The following PTPRQ variants were observed in gnomAD, a reference collection of about 807,000 sequenced individuals.
PTPRQ encodes protein tyrosine phosphatase receptor type Q, also known as phosphatidylinositol phosphatase PTPRQ.
A neutral mutation model predicts 246.0 loss-of-function variants in PTPRQ; 199 were observed. The observed-to-expected ratio is 0.81, with a 90% CI of 0.72 to 0.91. The LOEUF is 0.91. Ranked by LOEUF, PTPRQ falls within the 40% of genes least tolerant of loss-of-function variation. The pLI is 0.00. For missense variants in PTPRQ, 2,624 were observed against 2,528.4 expected (o/e 1.04, Z -0.81); for synonymous variants, 869 against 853.2 (o/e 1.02, Z -0.32).
chr12:80,595,202 C>T (rs1285533820), intron 26 of PTPRQ, among the ~76,000 whole-genome samples: 3 of 152,094 alleles, frequency 2.0e-5, no homozygotes, highest in Non-Finnish European at 4.4e-5. Context: ...ATTTGTTTCT[C>T]AACAAGTGAG....
chr12:80,538,636 T>C (rs1896058501), intron 19 of PTPRQ, among the ~76,000 whole-genome samples: 1 of 152,170 alleles, frequency 6.6e-6, no homozygotes, highest in South Asian at 2.1e-4. Flanking sequence ...ACTATATTTT[T>C]CCCTGAATAC....
chr12:80,480,327 A>C (rs1002936351), intron 8 of PTPRQ, among the ~76,000 whole-genome samples: 2 of 152,216 alleles, frequency 1.3e-5, no homozygotes, highest in African/African-American at 4.8e-5. Context: ...GAAACCAACT[A>C]GAACAAAGAC....
intron 6 of PTPRQ, among the ~76,000 whole-genome samples, chr12:80,466,521 G>A (rs1260814191): frequency 6.6e-6 from 1 of 152,102 alleles, no homozygotes; most frequent in African/African-American, 2.4e-5. Flanking sequence ...AAGTTCATAT[G>A]GAACCAAAAA....
At chr12:80,663,324 G>A (rs1355192860) in intron 39 of PTPRQ, among the ~76,000 whole-genome samples, 2 of 151,630 alleles carry the variant, frequency 1.3e-5, no homozygotes, top group East Asian at 1.9e-4. Flanking sequence ...GTGATATATT[G>A]TCTATATTAC....
intron 9 of PTPRQ, among the ~76,000 whole-genome samples, chr12:80,489,720 G>A (rs77762137): frequency 0.016 from 2,390 of 151,814 alleles, 58 homozygotes; most frequent in African/African-American, 0.055. Flanking sequence ...TTTCAAAACA[G>A]TGAAATAAAA....
intron 25 of PTPRQ, among the ~76,000 whole-genome samples, chr12:80,550,096 T>C (rs1896428021): frequency 6.6e-6 from 1 of 152,192 alleles, no homozygotes; most frequent in Admixed American, 6.5e-5. Context: ...TATGGAATTC[T>C]AGATGTTTTC....
intron 27 of PTPRQ, among the ~76,000 whole-genome samples, chr12:80,608,068 G>A (rs1039503590): frequency 1.2e-4 from 18 of 150,760 alleles, no homozygotes; most frequent in Admixed American, 6.6e-4. Context: ...ACTTCATAGA[G>A]CAGGTTAAAT....
rs1210648111 is a variant in PTPRQ at position 80,649,592 on chromosome 12, A to G, written c.5947A>G (p.Ile1983Val). ...TATACCTTTCTTTACTTGGAGGCCA[A>G]TAAGCAAGAAATCCTTCCTGCAACA... ...LLSYRKSIKP[I>V]SKKSFLQHVE... Residue 1983 changes from isoleucine (I) to valine (V), a missense_variant, in exon 37 of 45, where the codon ATA becomes GTA. Coordinates refer to ENST00000644991, the MANE Select transcript of PTPRQ (RefSeq NM_001145026.2). The G allele has an allele frequency of 6.5e-7, 1 of 1,549,714 alleles. No homozygotes were observed. Among genetic ancestry groups the G allele is most frequent in the Non-Finnish European group, 8.7e-7 (1 of 1,145,716 alleles).
In PTPRQ at chr12:80,658,010, A is replaced by G; in HGVS notation, c.6141A>G (p.Ile2047Met). 7.0e-7 allele frequency: 1 copy of G among 1,437,634 alleles called. No individual in the cohort carries two copies. Among genetic ancestry groups the G allele is most frequent in the Non-Finnish European group, 9.1e-7 (1 of 1,093,572 alleles). The allele number at this position is 1,437,634 out of a possible 1,614,324, so 89.1% of individuals were successfully genotyped here. ...ATAATAATAACAGAGTAAAGCTGAT[A>G]GCTGACGCTAGTGTTCCAGGTTCGG... ...KPYNNNRVKLIADASVPGSDY... is the reference protein window; with the variant it reads ...KPYNNNRVKLMADASVPGSDY... Residue 2047 changes from isoleucine (I) to methionine (M), a missense_variant, in exon 39 of 45, where the codon ATA becomes ATG. By Grantham distance (10) the Ile-to-Met change is conservative (BLOSUM62 1). Coordinates refer to ENST00000644991, the MANE Select transcript of PTPRQ (RefSeq NM_001145026.2).
At chr12:80,539,260 A>C (rs1262111071) in intron 19 of PTPRQ, among the ~76,000 whole-genome samples, 1 of 152,126 alleles carries the variant, frequency 6.6e-6, no homozygotes, top group Non-Finnish European at 1.5e-5. Flanking sequence ...TGTGAGAAGT[A>C]AAGTCTGAAA....
In PTPRQ at chr12:80,534,967, C is replaced by T. The variant is rs1282071246; in HGVS notation, c.2915C>T (p.Pro972Leu). The change falls in exon 19 of 45, where the codon CCT (proline) becomes CTT (leucine). Residue 972 changes from proline to leucine, a missense_variant. Pro to Leu is a moderately conservative substitution (Grantham distance 98). Coordinates refer to ENST00000644991, the MANE Select transcript of PTPRQ (RefSeq NM_001145026.2). Reference protein sequence around the residue: ...SSSIILFWTPPSKPNGIIQYY... With the variant: ...SSSIILFWTPLSKPNGIIQYY... Reference sequence around the variant, plus strand: ...TCAATAATTCTTTTCTGGACACCTCCTTCAAAACCTAATGGGATTATACAA... The same window carrying T: ...TCAATAATTCTTTTCTGGACACCTCTTTCAAAACCTAATGGGATTATACAA... The T allele has an allele frequency of 6.5e-7, 1 of 1,549,974 alleles. No homozygotes were observed. The highest frequency in any genetic ancestry group is 8.7e-7 in the Non-Finnish European group (1 of 1,146,304).
At chr12:80,583,589 T>C (rs1439768716) in intron 25 of PTPRQ, 1 of 152,200 alleles carries the variant, frequency 6.6e-6, no homozygotes, top group African/African-American at 2.4e-5. Context: ...TTGCTCTATG[T>C]ATGTAAGCAG....
chr12:80,642,023 C>G (rs144507322), intron 35 of PTPRQ, among the ~76,000 whole-genome samples: 1 of 151,692 alleles, frequency 6.6e-6, no homozygotes, highest in Admixed American at 6.6e-5. Flanking sequence ...CTCTCTCTAA[C>G]GCCAAATTTT....
At chr12:80,678,501 A>C (rs1901215948) in intron 43 of PTPRQ, 101 bp from the exon 44 acceptor site, 2 of 1,296,288 alleles carry the variant, frequency 1.5e-6, no homozygotes, top group Non-Finnish European at 9.9e-7. Context: ...TTAGCTATTT[A>C]TTTGATGAAT....
At chr12:80,498,187 A>C (rs534974099) in intron 14 of PTPRQ, among the ~76,000 whole-genome samples, 1 of 152,154 alleles carries the variant, frequency 6.6e-6, no homozygotes, top group African/African-American at 2.4e-5. Flanking sequence ...TTTGAGAAAA[A>C]TGTCTGCTCT....
chr12:80,483,895 C>G (rs1284389217), intron 8 of PTPRQ, among the ~76,000 whole-genome samples: 2 of 152,042 alleles, frequency 1.3e-5, no homozygotes, highest in South Asian at 2.1e-4. Flanking sequence ...TTATCCATGT[C>G]CCTGCAAAGG....
intron 34 of PTPRQ, 90 bp from the exon 35 acceptor site, chr12:80,634,855 C>G (rs1011715188): frequency 8.7e-6 from 13 of 1,488,370 alleles, no homozygotes; most frequent in Non-Finnish European, 1.1e-5. Context: ...AATTATTTGA[C>G]TAAATGTCTT....
intron 26 of PTPRQ, among the ~76,000 whole-genome samples, chr12:80,602,749 G>A (rs1383519157): frequency 6.6e-6 from 1 of 151,766 alleles, no homozygotes; most frequent in Non-Finnish European, 1.5e-5. Context: ...TCAAATGATA[G>A]TAACATCTTA....
chr12:80,640,073 C>T (rs1395679203), intron 35 of PTPRQ, among the ~76,000 whole-genome samples: 6 of 144,338 alleles, frequency 4.2e-5, no homozygotes, highest in Admixed American at 1.5e-4. Context: ...TGTTTAACTT[C>T]GAAGCATACT....
Sources: allele counts gnomAD v4.1 joint callset (sites outside exome capture counted in the v4.1 genomes callset), GRCh38; gene constraint gnomAD v4.1.1; transcripts MANE v1.5; gene names NCBI Gene and HGNC (gene_info 2026-07-23, HGNC 2026-07-21).